FGFR1: variants seen among roughly 807,000 people sequenced by gnomAD.
FGFR1 encodes the protein fibroblast growth factor receptor 1.
FGFR1 carries 18 observed loss-of-function variants against 93.7 expected under a neutral mutation model. That is an observed-to-expected ratio of 0.19 (90% CI 0.13 to 0.28). The LOEUF is 0.28. Ranked by LOEUF, FGFR1 falls within the 10% of genes least tolerant of loss-of-function variation. The pLI, the probability that FGFR1 is intolerant of heterozygous loss-of-function variation, is 1.00. For synonymous variants in FGFR1, 448 were observed against 429.3 expected (o/e 1.04, Z -0.54); for missense variants, 731 against 1,080.4 (o/e 0.68, Z 4.53).
chr8:38,447,196 G>A (rs1208858061), intron 2 of FGFR1, among the ~76,000 whole-genome samples: 1 of 151,204 alleles, frequency 6.6e-6, no homozygotes, highest in Non-Finnish European at 1.5e-5. Flanking sequence ...GAGACAAAGG[G>A]GACTGAGCCA....
intron 16 of FGFR1, 59 bp downstream of exon 16, chr8:38,414,093 T>G (rs1815399841): frequency 1.9e-6 from 3 of 1,613,856 alleles, no homozygotes; most frequent in Non-Finnish European, 2.5e-6. Flanking sequence ...CCCCTGCCCC[T>G]CAAGCCCACT....
intron 2 of FGFR1, among the ~76,000 whole-genome samples, chr8:38,448,728 G>T (rs896886658): frequency 5.9e-5 from 9 of 152,196 alleles, no homozygotes; most frequent in Non-Finnish European, 1.2e-4. Context: ...GCTGAGGCGG[G>T]TGGATCACTT....
chr8:38,413,350 G>A lies in FGFR1; in HGVS notation c.*278C>T, dbSNP rs1815017159. The A allele has an allele frequency of 3.9e-6, 2 of 518,116 alleles. No individual in the cohort carries two copies. Among genetic ancestry groups the A allele is most frequent in the African/African-American group, 1.9e-5 (1 of 52,634 alleles). 32.1% of individuals were successfully genotyped at this position (518,116 alleles called of 1,614,324 possible). On this transcript the variant is annotated 3_prime_UTR_variant, in exon 18 of 18. Coordinates refer to ENST00000447712, the MANE Select transcript of FGFR1 (RefSeq NM_023110.3). This position sits in a 1 kb window ranked among gnomAD's most constrained non-coding sequence, Gnocchi z 4.2. ...ACTCCCTGCCCTCCAGGCAGTGCCT[G>A]GTGGCAGGGAGGGGTGTTGGTCCAA... is the stretch of plus-strand genomic sequence containing the variant.
rs781513971 is a variant in FGFR1 at position 38,424,379 on chromosome 8, G to C, written c.936+130C>G. 1.9e-5 allele frequency: 18 copies of C among 941,490 alleles called. 1 individual carries two copies. The highest frequency in any genetic ancestry group is 3.1e-5 in the Non-Finnish European group (18 of 583,378). The allele number at this position is 941,490 out of a possible 1,614,324, so 58.3% of individuals were successfully genotyped here. On this transcript the variant is annotated intron_variant, in intron 7 of 17. Coordinates refer to ENST00000447712, the MANE Select transcript of FGFR1 (RefSeq NM_023110.3). The surrounding 1 kb of genome is among the most constrained non-coding windows in gnomAD (Gnocchi z 4.3). Reference sequence around the variant, plus strand: ...GTGGCTAGATCCCTACTGAGATGGAGTGTGTGTGCCTGAAGCGTGAGGAAT... The same window carrying C: ...GTGGCTAGATCCCTACTGAGATGGACTGTGTGTGCCTGAAGCGTGAGGAAT...
intron 2 of FGFR1, among the ~76,000 whole-genome samples, chr8:38,445,788 G>A (rs960535693): frequency 6.0e-5 from 9 of 151,136 alleles, no homozygotes; most frequent in African/African-American, 1.7e-4. Context: ...TGATCTGCCC[G>A]CCTCAACCTC....
intron 2 of FGFR1, among the ~76,000 whole-genome samples, chr8:38,452,200 G>GACACACACACACACACAC (rs3051753): frequency 1.4e-5 from 2 of 139,094 alleles, no homozygotes; most frequent in Non-Finnish European, 3.1e-5. Context: ...CAGACACACA[G>GACACACACACACACACAC]ACACACACAC....
At chr8:38,466,545 C>T (rs553479697) in intron 1 of FGFR1, 71 of 230,692 alleles carry the variant, frequency 3.1e-4, no homozygotes, top group African/African-American at 1.5e-3. Flanking sequence ...CACCCACCAG[C>T]GGCGGCGAAT....
chr8:38,438,194 A>G (rs1826071262), intron 2 of FGFR1, among the ~76,000 whole-genome samples: 1 of 151,620 alleles, frequency 6.6e-6, no homozygotes, highest in South Asian at 2.1e-4. Context: ...ACATACCAGC[A>G]TAGTTCTCAG....
intron 1 of FGFR1, among the ~76,000 whole-genome samples, chr8:38,458,515 T>C (rs771767317): frequency 6.6e-6 from 1 of 152,012 alleles, no homozygotes; most frequent in Admixed American, 6.6e-5. Context: ...CACTACAGCC[T>C]AGGTGACAGA....
intron 12 of FGFR1, among the ~76,000 whole-genome samples, chr8:38,416,448 ATTTTTTTTT>A (rs57944426): frequency 1.9e-4 from 15 of 80,932 alleles, no homozygotes; most frequent in Admixed American, 6.7e-4. Flanking sequence ...TGCCTGGCTA[ATTTTTTTTT>A]TTTTTTTTTT....
At chr8:38,443,640 T>C (rs1389411112) in intron 2 of FGFR1, among the ~76,000 whole-genome samples, 1 of 151,880 alleles carries the variant, frequency 6.6e-6, no homozygotes, top group Non-Finnish European at 1.5e-5. Flanking sequence ...AACACTGCAC[T>C]CCAGCCTGGG....
chr8:38,427,901 T>C lies in FGFR1; in HGVS notation c.621+20A>G, dbSNP rs1425930563. 1 of 1,614,228 alleles carries C rather than the reference T, an allele frequency of 6.2e-7. No individual in the cohort carries two copies. The highest frequency in any genetic ancestry group is 8.5e-7 in the Non-Finnish European group (1 of 1,180,014). ...TCCCCTGTTCCCATTACTCTAACTT[T>C]CGCATGCACACACACGTACCTTGTA... On this transcript the variant is annotated intron_variant, in intron 5 of 17. Transcript: ENST00000447712.
chr8:38,429,644 G>A lies in FGFR1; in HGVS notation c.358+38C>T, dbSNP rs912271160. On this transcript the variant is annotated intron_variant, in intron 3 of 17. Transcript: ENST00000447712. This position sits in a 1 kb window ranked among gnomAD's most constrained non-coding sequence, Gnocchi z 4.4. ...CTGGCAGAGAGGGCTGGAGGGGGTG[G>A]GTCTAGGGAGGGGCAAGGGCAGGGC... 1 of 1,550,842 alleles carries A rather than the reference G, an allele frequency of 6.4e-7. No homozygotes were observed. Among genetic ancestry groups the A allele is most frequent in the South Asian group, 1.2e-5 (1 of 83,888 alleles).
At position 38,419,689 on chromosome 8, in the gene FGFR1, C is replaced by T. The variant is rs2150713122; in HGVS notation, c.1128G>A (p.Glu376=). Residue 376 remains glutamate, a synonymous_variant, in exon 9 of 18, where the codon GAG becomes GAA. Coordinates refer to ENST00000447712, the MANE Select transcript of FGFR1 (RefSeq NM_023110.3). ...PAVMTSPLYL[E]IIIYCTGAFL... The stretch of plus-strand genomic sequence containing the variant: ...AGGCCCCTGTGCAATAGATGATGAT[C>T]TCCAGGTACAGGGGCGAGGTCATCA... The T allele has an allele frequency of 6.2e-7, 1 of 1,614,200 alleles. No homozygotes were observed. Among genetic ancestry groups the T allele is most frequent in the African/African-American group, 1.3e-5 (1 of 75,052 alleles).
Position 38,412,393 on chromosome 8 carries a change from G to A in FGFR1, c.*1235C>T, listed in dbSNP as rs1425687517. The A allele has an allele frequency of 8.6e-6, 2 of 232,694 alleles. No homozygotes were observed. The highest frequency in any genetic ancestry group is 4.4e-5 in the African/African-American group (2 of 45,284). 14.4% of individuals were successfully genotyped at this position (232,694 alleles called of 1,614,324 possible). ...AGCTCTACCCCGTGGCTATTCCTAG[G>A]TAGGTGCCCCCTCCCCAGCCCAACC... On this transcript the variant is annotated 3_prime_UTR_variant, in exon 18 of 18. Coordinates refer to ENST00000447712, the MANE Select transcript of FGFR1 (RefSeq NM_023110.3).
chr8:38,419,756 T>C, intron 8 of FGFR1, 21 bp from the exon 9 acceptor site: 5 of 1,611,438 alleles, frequency 3.1e-6, no homozygotes, highest in Non-Finnish European at 4.2e-6. Context: ...GCGAACAGGG[T>C]GTTAGCAGGC....
At chr8:38,459,821 T>C (rs1336505376) in intron 1 of FGFR1, among the ~76,000 whole-genome samples, 1 of 152,088 alleles carries the variant, frequency 6.6e-6, no homozygotes, top group Non-Finnish European at 1.5e-5. Flanking sequence ...CCAAACCAAG[T>C]AGATAAGGGT....
intron 2 of FGFR1, among the ~76,000 whole-genome samples, chr8:38,442,998 A>G (rs987019983): frequency 2.0e-5 from 3 of 152,236 alleles, no homozygotes; most frequent in African/African-American, 7.2e-5. Flanking sequence ...TCCACCGTAA[A>G]GAAATTCTCT....
At chr8:38,434,010 C>CA (rs1167583344) in intron 2 of FGFR1, among the ~76,000 whole-genome samples, 1 of 152,212 alleles carries the variant, frequency 6.6e-6, no homozygotes, top group Non-Finnish European at 1.5e-5. Flanking sequence ...TCAATGGAAT[C>CA]ATACAATATG....
Sources: gnomAD v4.1 joint callset for allele counts (sites outside exome capture counted in the v4.1 genomes callset) on GRCh38, gnomAD v4.1.1 for gene constraint, Gnocchi (gnomAD v3.1) non-coding constraint, MANE v1.5 for transcripts, NCBI Gene and HGNC (gene_info 2026-07-23, HGNC 2026-07-21) for gene names.